Variants in PPIL3 observed in about 807,000 individuals in gnomAD.
PPIL3 encodes the protein peptidylprolyl isomerase like 3.
PPIL3 carries 13 observed loss-of-function variants against 20.9 expected under a neutral mutation model. The ratio of observed to expected loss-of-function variants is 0.62; its 90% CI spans 0.40 to 0.99. The LOEUF (loss-of-function observed/expected upper bound fraction) is 0.99, where lower values mean the gene tolerates loss of function less well. PPIL3 is among the 50% of genes least tolerant of loss of function. The pLI is 0.00. For missense variants in PPIL3, 170 were observed against 195.2 expected (o/e 0.87, Z 0.77); for synonymous variants, 71 against 64.4 (o/e 1.10, Z -0.49).
chr2:200,881,990 G>T (rs569186902), intron 4 of PPIL3, among the ~76,000 whole-genome samples: 15 of 152,130 alleles, frequency 9.9e-5, no homozygotes, highest in African/African-American at 3.6e-4. Flanking sequence ...ACCAAACACC[G>T]CATATTCTCA....
At position 200,871,348 on chromosome 2, in the gene PPIL3, A is replaced by C; in HGVS notation, c.*47T>G. 6.4e-7 allele frequency: 1 copy of C among 1,559,396 alleles called. No individual in the cohort carries two copies. The highest frequency in any genetic ancestry group is 8.7e-7 in the Non-Finnish European group (1 of 1,143,144). ...AATTAAAACCGGGTAAACCACAATA[A>C]GTGTGTTCCAGCAATTTGTCAAGTT... On this transcript the variant is annotated 3_prime_UTR_variant, in exon 7 of 7. Transcript: ENST00000392283.
chr2:200,876,177 G>T (rs1436064532), intron 6 of PPIL3, among the ~76,000 whole-genome samples: 2 of 149,578 alleles, frequency 1.3e-5, no homozygotes, highest in African/African-American at 5.0e-5. Flanking sequence ...GCGCATGATG[G>T]TACACATTTG....
chr2:200,886,481 A>G (rs1001430638), intron 2 of PPIL3, among the ~76,000 whole-genome samples: 6 of 149,186 alleles, frequency 4.0e-5, no homozygotes, highest in Non-Finnish European at 5.9e-5. Context: ...ACTGGAGTGC[A>G]GTGGCGTGAT....
intron 3 of PPIL3, among the ~76,000 whole-genome samples, chr2:200,883,973 T>C (rs2039831674): frequency 6.6e-6 from 1 of 152,124 alleles, no homozygotes; most frequent in South Asian, 2.1e-4. Flanking sequence ...CTATATTGCC[T>C]AGGTAAGCCT....
intron 5 of PPIL3, 62 bp downstream of exon 5, chr2:200,881,359 A>T: frequency 7.8e-7 from 1 of 1,288,140 alleles, no homozygotes; most frequent in African/African-American, 1.5e-5. Context: ...TGACACATGT[A>T]TCAAAGTTTC....
At chr2:200,886,349 T>C (rs1049876877) in intron 2 of PPIL3, among the ~76,000 whole-genome samples, 2 of 152,204 alleles carry the variant, frequency 1.3e-5, no homozygotes, top group Non-Finnish European at 2.9e-5. Context: ...CCTGTTTTTC[T>C]GTAACCTGTA....
At chr2:200,879,361 C>A (rs577729333) in intron 5 of PPIL3, among the ~76,000 whole-genome samples, 1 of 151,968 alleles carries the variant, frequency 6.6e-6, no homozygotes, top group Admixed American at 6.6e-5. Context: ...CCTCGTGATC[C>A]GCCCGCCTCG....
Position 200,876,964 on chromosome 2 carries a change from T to C in PPIL3, c.314A>G (p.Tyr105Cys), listed in dbSNP as rs776330297. 73 of 1,613,742 alleles carry C rather than the reference T, an allele frequency of 4.5e-5. No homozygotes were observed. The highest frequency in any genetic ancestry group is 4.1e-5 in the Non-Finnish European group (48 of 1,179,740). ...NTNGSQFFIT[Y>C]GKQPHLDMKY... Reference sequence around the variant, plus strand: ...CATGTCCAAATGTGGCTGTTTGCCATAGGTGATGAAGAACTGAGATCCATT... The same window carrying C: ...CATGTCCAAATGTGGCTGTTTGCCACAGGTGATGAAGAACTGAGATCCATT... Residue 105 changes from tyrosine to cysteine, a missense_variant, in exon 6 of 7, where the codon TAT becomes TGT. Coordinates refer to ENST00000392283, the MANE Select transcript of PPIL3 (RefSeq NM_130906.3).
In PPIL3 at chr2:200,882,385, A is replaced by G. The variant is rs2039765306; in HGVS notation, c.129T>C (p.His43=). 2 of 1,608,614 alleles carry G rather than the reference A, an allele frequency of 1.2e-6. No individual in the cohort carries two copies. Among genetic ancestry groups the G allele is most frequent in the Non-Finnish European group, 1.7e-6 (2 of 1,174,966 alleles). The change falls in exon 4 of 7, where the codon CAT becomes CAC. Residue 43 remains histidine, a synonymous_variant. Coordinates refer to ENST00000392283, the MANE Select transcript of PPIL3 (RefSeq NM_130906.3). ...ASNYYNGCIF[H]RNIKGFMVQT... ...GAACCATGAAACCCTTGATATTCCT[A>G]TGAAATATACAGCCATTGTAGTAAT...
At chr2:200,880,121 C>G (rs1440045642) in intron 5 of PPIL3, among the ~76,000 whole-genome samples, 1 of 152,066 alleles carries the variant, frequency 6.6e-6, no homozygotes, top group Non-Finnish European at 1.5e-5. Flanking sequence ...GTGACATGCA[C>G]CTGTAGTCCC....
In PPIL3 at chr2:200,881,478, T is replaced by C. The variant is rs372032358; in HGVS notation, c.183A>G (p.Arg61=). Residue 61 remains arginine (R), a synonymous_variant, in exon 5 of 7, where the codon AGA becomes AGG. Transcript: ENST00000392283. ...TCTTGCCCCAAATACTGTTGCCTCC[T>C]CTTCCAGTTCCTACATTACAAGTGA... ...VQTGDPTGTG[R]GGNSIWGKKF... is the part of the protein sequence containing the mutation. 2.5e-6 allele frequency: 4 copies of C among 1,612,648 alleles called. No individual in the cohort carries two copies. The African/African-American group carries it at 5.3e-5, about 22-fold the overall frequency.
chr2:200,885,820 C>T (rs1015394270), intron 2 of PPIL3, 48 bp from the exon 3 acceptor site: 1 of 1,145,228 alleles, frequency 8.7e-7, no homozygotes, highest in Non-Finnish European at 1.3e-6. Context: ...ATTTAGGTGA[C>T]TTTATGCATT....
At chr2:200,875,459 G>A (rs1245672398) in intron 6 of PPIL3, among the ~76,000 whole-genome samples, 1 of 151,992 alleles carries the variant, frequency 6.6e-6, no homozygotes, top group Non-Finnish European at 1.5e-5. Context: ...GTAGAGATGG[G>A]GTTTCACCAT....
At chr2:200,888,124 C>T (rs1367932159) in intron 1 of PPIL3, among the ~76,000 whole-genome samples, 2 of 151,580 alleles carry the variant, frequency 1.3e-5, no homozygotes, top group Non-Finnish European at 2.9e-5. Context: ...TAGAAGATAT[C>T]CTACCCGATT....
rs886677890 is a variant in PPIL3 at position 200,876,134 on chromosome 2, G to GT, written c.359+784dup. On this transcript the variant is annotated intron_variant, in intron 6 of 6. Coordinates refer to ENST00000392283, the MANE Select transcript of PPIL3 (RefSeq NM_130906.3). Reference sequence around the variant, plus strand: ...GAGACCATGTCTCTAAAAAAAAAGTGTTTTTTTTGTTTTTTTTTTTTTTAA... The same window carrying GT: ...GAGACCATGTCTCTAAAAAAAAAGTGTTTTTTTTTGTTTTTTTTTTTTTTAA... Among the ~76,000 whole-genome samples the GT allele has an allele frequency of 1.2e-3, 180 of 144,816 alleles. 2 individuals are homozygous for GT. Among genetic ancestry groups the GT allele is most frequent in the African/African-American group, 4.0e-3 (153 of 37,848 alleles).
intron 2 of PPIL3, among the ~76,000 whole-genome samples, chr2:200,887,308 C>T (rs1292068725): frequency 6.6e-6 from 1 of 150,610 alleles, no homozygotes; most frequent in Non-Finnish European, 1.5e-5. Context: ...ATCGCTTGAA[C>T]CCAGGGGCAG....
upstream of PPIL3, chr2:200,889,089 G>C (rs867794793): frequency 7.2e-5 from 34 of 469,936 alleles, no homozygotes; most frequent in African/African-American, 6.4e-4. Flanking sequence ...GGACCCAAGA[G>C]AGAGAACGCC....
intron 1 of PPIL3, chr2:200,888,463 T>C (rs1167766327): frequency 6.3e-6 from 1 of 157,800 alleles, no homozygotes; most frequent in African/African-American, 2.4e-5. Flanking sequence ...TATACTAATA[T>C]ACTATGAACT....
rs945866900 is a variant in PPIL3 at position 200,887,508 on chromosome 2, C to T, written c.3+105G>A. 5.8e-6 allele frequency: 4 copies of T among 693,712 alleles called. No homozygotes were observed. In the African/African-American group the frequency reaches 7.3e-5, roughly 13 times the overall value. The allele number at this position is 693,712 out of a possible 1,614,324, so 43.0% of individuals were successfully genotyped here. ...TAAGTGCTTCTATATTATACAATTT[C>T]TCCATCTTGCCACTGCAATTTCCAT... On this transcript the variant is annotated intron_variant, in intron 2 of 6. Transcript: ENST00000392283.
Sources: allele counts gnomAD v4.1 joint callset (sites outside exome capture counted in the v4.1 genomes callset), GRCh38; gene constraint gnomAD v4.1.1; transcripts MANE v1.5; gene names NCBI Gene and HGNC (gene_info 2026-07-23, HGNC 2026-07-21).